SYT11: variants seen among roughly 807,000 people sequenced by gnomAD.
The protein encoded by SYT11 is synaptotagmin 11.
Under a neutral mutation model 30.4 loss-of-function variants are expected in SYT11, and 12 were observed. The observed-to-expected ratio is 0.39, with a 90% CI of 0.25 to 0.64. The LOEUF (loss-of-function observed/expected upper bound fraction) is 0.64. SYT11 is among the 30% of genes least tolerant of loss of function. SYT11 has a pLI of 0.45. For missense variants in SYT11, 412 were observed against 552.0 expected (o/e 0.75, Z 2.54); for synonymous variants, 204 against 216.0 (o/e 0.94, Z 0.49).
In SYT11 at chr1:155,868,662, C is replaced by T. The variant is rs1672729944; in HGVS notation, c.732C>T (p.Phe244=). The T allele has an allele frequency of 6.2e-7, 1 of 1,614,222 alleles. No homozygotes were observed. Residue 244 remains phenylalanine (F), a synonymous_variant, in exon 2 of 4, where the codon TTC becomes TTT. Transcript: ENST00000368324. This position sits in a 1 kb window ranked among gnomAD's most constrained non-coding sequence, Gnocchi z 4.7. ...YSQLQDLVLH[F]LVLSFDRFSR... ...AGCTGCAGGACCTGGTGCTGCACTT[C>T]CTTGTCCTCAGCTTTGACCGCTTCT... is the stretch of plus-strand genomic sequence containing the variant.
At chr1:155,871,444 C>T (rs1557948335) in intron 2 of SYT11, among the ~76,000 whole-genome samples, 1 of 152,212 alleles carries the variant, frequency 6.6e-6, no homozygotes, top group Non-Finnish European at 1.5e-5. Flanking sequence ...TGGACTCCTC[C>T]AGACAGCTAT....
chr1:155,861,172 C>G (rs1391614778), intron 1 of SYT11, among the ~76,000 whole-genome samples: 2 of 152,202 alleles, frequency 1.3e-5, no homozygotes, highest in Non-Finnish European at 2.9e-5. Context: ...TCTTCACACT[C>G]ATTAACTACT....
Position 155,859,585 on chromosome 1 carries a change from C to A in SYT11, c.-177C>A, listed in dbSNP as rs1672513455. On this transcript the variant is annotated 5_prime_UTR_variant, in exon 1 of 4. Transcript: ENST00000368324. ...TTAGCTCAGCGCATCCCCGGAGCAT[C>A]TTAAGAGCTGAGCGCAGCTGACAAC... 3.0e-6 allele frequency: 2 copies of A among 676,592 alleles called. No homozygotes were observed. The highest frequency in any genetic ancestry group is 1.6e-5 in the South Asian group (1 of 61,498). 41.9% of individuals were successfully genotyped at this position (676,592 alleles called of 1,614,324 possible). A position where few individuals can be genotyped will look rare whatever the true frequency, so the allele number is the denominator to read the frequency against.
intron 2 of SYT11, among the ~76,000 whole-genome samples, chr1:155,879,040 C>G (rs1672918024): frequency 6.6e-6 from 1 of 152,100 alleles, no homozygotes; most frequent in African/African-American, 2.4e-5. Context: ...AAGTGGTAAG[C>G]TCCTTGGGAG....
At position 155,860,580 on chromosome 1, in the gene SYT11, T is replaced by G. The variant is rs1449200802; in HGVS notation, c.34+785T>G. Among the ~76,000 whole-genome samples the G allele has an allele frequency of 6.6e-6, 1 of 151,816 alleles. No homozygotes were observed. The highest frequency in any genetic ancestry group is 1.5e-5 in the Non-Finnish European group (1 of 67,936). Reference sequence around the variant, plus strand: ...TTCAAAAAGGGGGACTGACCAGCGTTGATGCTGGCGGGGGCGCGATCCAGG... The same window carrying G: ...TTCAAAAAGGGGGACTGACCAGCGTGGATGCTGGCGGGGGCGCGATCCAGG... On this transcript the variant is annotated intron_variant, in intron 1 of 3. Transcript: ENST00000368324. The surrounding 1 kb of genome is among the most constrained non-coding windows in gnomAD (Gnocchi z 4.1).
chr1:155,882,227 T>G lies in SYT11; in HGVS notation c.*719T>G, dbSNP rs1247303193. ...TGCTGAATTGTATTTGCTGATTACCTGAAATTGGCTTCTTTTTATTGGGCT... is the reference window on the plus strand; with the variant it reads ...TGCTGAATTGTATTTGCTGATTACCGGAAATTGGCTTCTTTTTATTGGGCT... On this transcript the variant is annotated 3_prime_UTR_variant, in exon 4 of 4. Transcript: ENST00000368324. The G allele has an allele frequency of 3.9e-5, 6 of 152,468 alleles. No individual in the cohort carries two copies. In the East Asian group the frequency reaches 7.5e-4, roughly 19 times the overall value. The allele number at this position is 152,468 out of a possible 1,614,324, so 9.4% of individuals were successfully genotyped here. A position where few individuals can be genotyped will look rare whatever the true frequency, so the allele number is the denominator to read the frequency against.
Position 155,867,974 on chromosome 1 carries a change from C to T in SYT11, c.44C>T (p.Pro15Leu), listed in dbSNP as rs746738594. 5.0e-6 allele frequency: 8 copies of T among 1,607,178 alleles called. No individual in the cohort carries two copies. Among genetic ancestry groups the T allele is most frequent in the South Asian group, 1.1e-5 (1 of 90,652 alleles). Residue 15 changes from proline to leucine, a missense_variant, in exon 2 of 4, where the codon CCG becomes CTG. Physicochemically the swap from Pro to Leu is moderately conservative, Grantham distance 98. Coordinates refer to ENST00000368324, the MANE Select transcript of SYT11 (RefSeq NM_152280.5). ...TGATCTCCGCCTTCAGATGTGTCAC[C>T]GGTGGTGGCCGGCCTCATCGGGGCC... The part of the protein sequence containing the change: ...TNIRPSFDVS[P>L]VVAGLIGASV...
intron 3 of SYT11, 103 bp downstream of exon 3, chr1:155,880,726 C>T: frequency 7.4e-7 from 1 of 1,345,660 alleles, no homozygotes; most frequent in South Asian, 1.3e-5. Context: ...GCCTCTTTCA[C>T]TTTTAATCTG....
At chr1:155,877,614 C>T (rs897537642) in intron 2 of SYT11, among the ~76,000 whole-genome samples, 9 of 146,600 alleles carry the variant, frequency 6.1e-5, no homozygotes, top group African/African-American at 1.8e-4. Flanking sequence ...AGTGCAGTGG[C>T]GCAATCTCGG....
At chr1:155,869,901 T>C (rs1465523740) in intron 2 of SYT11, among the ~76,000 whole-genome samples, 2 of 152,164 alleles carry the variant, frequency 1.3e-5, no homozygotes, top group African/African-American at 4.8e-5. Context: ...CTGCACGACT[T>C]TACTCTCCAG....
chr1:155,873,170 G>C (rs892447868), intron 2 of SYT11, among the ~76,000 whole-genome samples: 2 of 152,206 alleles, frequency 1.3e-5, no homozygotes, highest in Non-Finnish European at 2.9e-5. Flanking sequence ...TCTCAGGCCT[G>C]TAATCCCAGC....
At position 155,868,919 on chromosome 1, in the gene SYT11, G is replaced by A. The variant is rs1672737024; in HGVS notation, c.861+128G>A. 3 of 906,374 alleles carry A rather than the reference G, an allele frequency of 3.3e-6. No individual in the cohort carries two copies. Among genetic ancestry groups the A allele is most frequent in the Admixed American group, 2.7e-5 (1 of 37,156 alleles). 56.1% of individuals were successfully genotyped at this position (906,374 alleles called of 1,614,324 possible). On this transcript the variant is annotated intron_variant, in intron 2 of 3. Transcript: ENST00000368324. The surrounding 1 kb of genome is among the most constrained non-coding windows in gnomAD (Gnocchi z 4.7). ...GGCTGTAGAGAGGAAGCTCTTGGAT[G>A]TCAAGGATAAGCAGTGGTCAGAGTA...
In SYT11 at chr1:155,880,517, G is replaced by A. The variant is rs533332204; in HGVS notation, c.879G>A (p.Gly293=). 1.9e-6 allele frequency: 3 copies of A among 1,614,028 alleles called. No homozygotes were observed. The highest frequency in any genetic ancestry group is 2.2e-5 in the East Asian group (1 of 44,882). ...CCTCACAGAAGTGCATCAGCAGAGG[G>A]GAGCTCCAGGTGTCTCTGTCATATC... ...KRNIQKCISR[G]ELQVSLSYQP... is the part of the protein sequence containing the mutation. Residue 293 remains glycine (G), a synonymous_variant, in exon 3 of 4, where the codon GGG becomes GGA. Coordinates refer to ENST00000368324, the MANE Select transcript of SYT11 (RefSeq NM_152280.5).
chr1:155,868,146 G>A lies in SYT11; in HGVS notation c.216G>A (p.Lys72=). 1 of 1,614,152 alleles carries A rather than the reference G, an allele frequency of 6.2e-7. No homozygotes were observed. The highest frequency in any genetic ancestry group is 8.5e-7 in the Non-Finnish European group (1 of 1,180,034). ...TATACCCAGAGACCCTCAGCAACAA[G>A]AAGAAAATCATCAAAGTGCGGAGAG... ...ISIYPETLSN[K]KKIIKVRRDK... is the part of the protein sequence containing the mutation. The change falls in exon 2 of 4, where the codon AAG becomes AAA. Residue 72 remains lysine, a synonymous_variant. Transcript: ENST00000368324. This position sits in a 1 kb window ranked among gnomAD's most constrained non-coding sequence, Gnocchi z 4.7.
chr1:155,874,478 T>TGTGACAGAGCGAGACTTCATCTCA (rs1553226161), intron 2 of SYT11, among the ~76,000 whole-genome samples: 19 of 151,476 alleles, frequency 1.3e-4, no homozygotes, highest in Non-Finnish European at 1.8e-4. Flanking sequence ...CACATGCCTG[T>TGTGACAGAGCGAGACTTCATCTCA]AGTCCCATCT....
At chr1:155,864,057 C>T (rs985807618) in intron 1 of SYT11, among the ~76,000 whole-genome samples, 1 of 152,078 alleles carries the variant, frequency 6.6e-6, no homozygotes. Context: ...TGCACTCCAG[C>T]CTGAGTGACA....
In SYT11 at chr1:155,859,631, G is replaced by A. The variant is rs993610906; in HGVS notation, c.-131G>A. ...ACAACTAGGGGCCGGACCGTCGCAG[G>A]AGGCGTCCGCTGGATACCTTCCCCC... On this transcript the variant is annotated 5_prime_UTR_variant, in exon 1 of 4. Transcript: ENST00000368324. 4.9e-5 allele frequency: 41 copies of A among 842,014 alleles called. No homozygotes were observed. The highest frequency in any genetic ancestry group is 7.3e-5 in the Non-Finnish European group (36 of 494,000). The allele number at this position is 842,014 out of a possible 1,614,324, so 52.2% of individuals were successfully genotyped here.
chr1:155,863,175 C>G (rs1672618795), intron 1 of SYT11, among the ~76,000 whole-genome samples: 1 of 152,010 alleles, frequency 6.6e-6, no homozygotes, highest in African/African-American at 2.4e-5. Flanking sequence ...TTAAAATGTA[C>G]CCGGGTACAG....
chr1:155,874,370 C>T (rs954673163), intron 2 of SYT11, among the ~76,000 whole-genome samples: 3 of 152,022 alleles, frequency 2.0e-5, no homozygotes, highest in Non-Finnish European at 2.9e-5. Flanking sequence ...GAGGCTGAGA[C>T]GGATAGATCA....
Sources: allele counts gnomAD v4.1 joint callset (sites outside exome capture counted in the v4.1 genomes callset), GRCh38; gene constraint gnomAD v4.1.1; non-coding constraint Gnocchi (gnomAD v3.1); transcripts MANE v1.5; gene names NCBI Gene and HGNC (gene_info 2026-07-23, HGNC 2026-07-21).